The following DNAH1 variants were observed in gnomAD, a reference collection of about 807,000 sequenced individuals.
DNAH1 encodes dynein axonemal heavy chain 1.
A neutral mutation model predicts 484.3 loss-of-function variants in DNAH1; 327 were observed. That is an observed-to-expected ratio of 0.68 (90% CI 0.62 to 0.74). The LOEUF (loss-of-function observed/expected upper bound fraction) is 0.74, where lower values mean the gene tolerates loss of function less well. Among genes scored for constraint, DNAH1 ranks in the 30% least tolerant of loss-of-function variants. The probability of loss-of-function intolerance (pLI) is 0.00; values close to 1 mark genes in which losing one functional copy is unlikely to be tolerated. For missense variants in DNAH1, 5,052 were observed against 5,546.8 expected (o/e 0.91, Z 2.83); for synonymous variants, 2,192 against 2,191.9 (o/e 1.00, Z 0.00).
chr3:52,326,037 TC>T (rs1341094691), intron 3 of DNAH1, 102 bp from the exon 4 acceptor site: 2 of 1,230,474 alleles, frequency 1.6e-6, no homozygotes, highest in African/African-American at 3.1e-5. Context: ...CTTCCCACAC[TC>T]CAAAGCATAC....
At position 52,353,724 on chromosome 3, in the gene DNAH1, A is replaced by G; in HGVS notation, c.3480+91A>G. On this transcript the variant is annotated intron_variant, in intron 20 of 77. Transcript: ENST00000420323. This position sits in a 1 kb window ranked among gnomAD's most constrained non-coding sequence, Gnocchi z 5.0. Reference sequence around the variant, plus strand: ...CTGGCAACCACAGCCACTTGGGAGGATGACAGTAATAAGCCCCATCCCTGG... The same window carrying G: ...CTGGCAACCACAGCCACTTGGGAGGGTGACAGTAATAAGCCCCATCCCTGG... 1 of 1,519,206 alleles carries G rather than the reference A, an allele frequency of 6.6e-7. No individual in the cohort carries two copies. The highest frequency in any genetic ancestry group is 1.2e-5 in the South Asian group (1 of 81,980). 94.1% of individuals were successfully genotyped at this position (1,519,206 alleles called of 1,614,324 possible). A position where few individuals can be genotyped will look rare whatever the true frequency, so the allele number is the denominator to read the frequency against.
chr3:52,394,128 C>G (rs988243306), intron 66 of DNAH1, among the ~76,000 whole-genome samples: 2 of 152,258 alleles, frequency 1.3e-5, no homozygotes, highest in Non-Finnish European at 2.9e-5. Flanking sequence ...CAGCGGAAAG[C>G]CCTGCCGAGA....
rs1559544272 is a variant in DNAH1 at position 52,372,879 on chromosome 3, A to C, written c.6828-17A>C. 42 of 1,604,788 alleles carry C rather than the reference A, an allele frequency of 2.6e-5. No homozygotes were observed. The highest frequency in any genetic ancestry group is 3.2e-5 in the Non-Finnish European group (37 of 1,173,826). ...TGGTGCCTGTGGGTGCTGGGCTCAC[A>C]CAGCCCCTCCCCTCAGGCGGAAGGG... On this transcript the variant is annotated splice_polypyrimidine_tract_variant and intron_variant, in intron 43 of 77. Coordinates refer to ENST00000420323, the MANE Select transcript of DNAH1 (RefSeq NM_015512.5).
intron 1 of DNAH1, among the ~76,000 whole-genome samples, chr3:52,317,547 A>G (rs916777831): frequency 1.3e-5 from 2 of 152,228 alleles, no homozygotes; most frequent in African/African-American, 2.4e-5. Flanking sequence ...TTACATATGT[A>G]TATGTATTTA....
At chr3:52,317,410 G>C (rs182952465) in intron 1 of DNAH1, among the ~76,000 whole-genome samples, 2 of 152,272 alleles carry the variant, frequency 1.3e-5, no homozygotes, top group African/African-American at 4.8e-5. Flanking sequence ...GTGTGGCTTT[G>C]TGAGCCAAGC....
rs758080415 is a variant in DNAH1 at position 52,332,211 on chromosome 3, C to T, written c.1103C>T (p.Pro368Leu). The T allele has an allele frequency of 6.2e-7, 1 of 1,611,432 alleles. No homozygotes were observed. The highest frequency in any genetic ancestry group is 1.3e-5 in the African/African-American group (1 of 75,014). Reference sequence around the variant, plus strand: ...CAGCTTCTCTTCTGCGCTGAGGACCCTTGCATGTTCGCACAACGTGTGGTC... The same window carrying T: ...CAGCTTCTCTTCTGCGCTGAGGACCTTTGCATGTTCGCACAACGTGTGGTC... ...RIQLLFCAED[P>L]CMFAQRVVQA... The change falls in exon 8 of 78, where the codon CCT becomes CTT. Residue 368 changes from proline to leucine, a missense_variant. By Grantham distance (98) the Pro-to-Leu change is moderately conservative (BLOSUM62 -3). Transcript: ENST00000420323.
chr3:52,354,967 T>A lies in DNAH1; in HGVS notation c.3605T>A (p.Val1202Asp). ...EASQLLDDHIVMTQNMSFSPY... is the reference protein window; with the variant it reads ...EASQLLDDHIDMTQNMSFSPY... ...TCACAGCTGCTGGACGACCACATCGTCATGACCCAGAATATGTCATTTTCA... is the reference window on the plus strand; with the variant it reads ...TCACAGCTGCTGGACGACCACATCGACATGACCCAGAATATGTCATTTTCA... The change falls in exon 21 of 78, where the codon GTC (valine) becomes GAC (aspartate). Residue 1202 changes from valine to aspartate, a missense_variant. Val to Asp is a radical substitution (Grantham distance 152, BLOSUM62 -3). This residue lies in a region of DNAH1 where 2,929 missense variants were observed against 3,409.4 expected (regional missense o/e 0.86). Coordinates refer to ENST00000420323, the MANE Select transcript of DNAH1 (RefSeq NM_015512.5). The A allele has an allele frequency of 6.2e-7, 1 of 1,614,006 alleles. No homozygotes were observed. The highest frequency in any genetic ancestry group is 8.5e-7 in the Non-Finnish European group (1 of 1,179,894).
chr3:52,395,772 C>T lies in DNAH1; in HGVS notation c.11259+94C>T. ...AAATAAGAGAATCATGCCAAGCACT[C>T]TGCCCAGCCTCTAGCACGTGGCAAG... On this transcript the variant is annotated intron_variant, in intron 70 of 77. Transcript: ENST00000420323. The surrounding 1 kb of genome is among the most constrained non-coding windows in gnomAD (Gnocchi z 4.4). 6.6e-7 allele frequency: 1 copy of T among 1,509,760 alleles called. No individual in the cohort carries two copies. The highest frequency in any genetic ancestry group is 8.9e-7 in the Non-Finnish European group (1 of 1,117,660). The allele number at this position is 1,509,760 out of a possible 1,614,324, so 93.5% of individuals were successfully genotyped here.
At position 52,383,576 on chromosome 3, in the gene DNAH1, ACATGGTGCTGTG is replaced by A; in HGVS notation, c.8137_8148del (p.Val2713_Met2716del). 6.3e-7 allele frequency: 1 copy of A among 1,595,566 alleles called. No individual in the cohort carries two copies. The highest frequency in any genetic ancestry group is 8.5e-7 in the Non-Finnish European group (1 of 1,170,686). On this transcript the variant is annotated inframe_deletion, in exon 51 of 78. Coordinates refer to ENST00000420323, the MANE Select transcript of DNAH1 (RefSeq NM_015512.5). ...ACAGGGCGTGTGCGCAGCAACATCCACATGGTGCTGTGCATGAGGTACAGGCAGCTGTCGCCA... is the reference window on the plus strand; with the variant it reads ...ACAGGGCGTGTGCGCAGCAACATCCACATGAGGTACAGGCAGCTGTCGCCA...
chr3:52,375,398 C>T lies in DNAH1; in HGVS notation c.7144C>T (p.Leu2382=), dbSNP rs373250758. 200 of 1,613,194 alleles carry T rather than the reference C, an allele frequency of 1.2e-4. No individual in the cohort carries two copies. Among genetic ancestry groups the T allele is most frequent in the Middle Eastern group, 1.6e-4 (1 of 6,084 alleles). Residue 2382 remains leucine, a synonymous_variant, in exon 45 of 78, where the codon CTG becomes TTG. Transcript: ENST00000420323. The part of the protein sequence containing the change: ...VSKKRIFSTI[L]GNWLDGLLGE... ...CAAGAAACGCATCTTCTCCACCATC[C>T]TGGGCAACTGGTTGGGTGAGTATTG... is the stretch of plus-strand genomic sequence containing the variant.
Position 52,360,149 on chromosome 3 carries a change from CAGTT to C in DNAH1, c.4571+73_4571+76del, listed in dbSNP as rs1376233371. 1.9e-6 allele frequency: 3 copies of C among 1,601,200 alleles called. No homozygotes were observed. In the Admixed American group the frequency reaches 5.0e-5, roughly 27 times the overall value. On this transcript the variant is annotated intron_variant, in intron 27 of 77. Transcript: ENST00000420323. ...AAGGGGCAGGGGAAAAGAGAAAAGT[CAGTT>C]AGCAATAAGCTGGTCTCTGTCCTTG...
chr3:52,315,462 A>G (rs932701489), upstream of DNAH1, among the ~76,000 whole-genome samples: 1 of 152,048 alleles, frequency 6.6e-6, no homozygotes, highest in African/African-American at 2.4e-5. Context: ...ACTTGCCATG[A>G]CCTCAGACTC....
Position 52,398,181 on chromosome 3 carries a change from C to T in DNAH1, c.12089+19C>T. 2.5e-6 allele frequency: 4 copies of T among 1,594,320 alleles called. No homozygotes were observed. Among genetic ancestry groups the T allele is most frequent in the Non-Finnish European group, 2.6e-6 (3 of 1,169,750 alleles). On this transcript the variant is annotated intron_variant, in intron 75 of 77. Coordinates refer to ENST00000420323, the MANE Select transcript of DNAH1 (RefSeq NM_015512.5). ...TCATTAGGTAATCACCCCGCCATAC[C>T]CCTGCCCCGAGTCAGCGGCCACTGG...
intron 1 of DNAH1, among the ~76,000 whole-genome samples, chr3:52,317,368 C>T (rs1157264930): frequency 3.9e-5 from 6 of 152,118 alleles, no homozygotes; most frequent in Admixed American, 1.3e-4. Context: ...GCGGAAGCGG[C>T]GGCCTGAGTG....
intron 1 of DNAH1, among the ~76,000 whole-genome samples, chr3:52,317,186 G>A (rs1700977903): frequency 6.6e-6 from 1 of 152,196 alleles, no homozygotes; most frequent in East Asian, 1.9e-4. Context: ...ACTAAGGACA[G>A]TCTGATACAA....
In DNAH1 at chr3:52,372,376, G is replaced by A. The variant is rs776153294; in HGVS notation, c.6816G>A (p.Lys2272=). The A allele has an allele frequency of 1.2e-6, 2 of 1,613,790 alleles. No individual in the cohort carries two copies. Among genetic ancestry groups the A allele is most frequent in the South Asian group, 1.1e-5 (1 of 91,086 alleles). The change falls in exon 43 of 78, where the codon AAG becomes AAA. Residue 2272 remains lysine (K), a synonymous_variant. Coordinates refer to ENST00000420323, the MANE Select transcript of DNAH1 (RefSeq NM_015512.5). ...ANQTQDFIDS[K]LDKRRKGVFG... is the part of the protein sequence containing the mutation. ...AGACCCAGGACTTCATTGACAGCAA[G>A]CTGGACAAGAGGCAGGGCACCCCTC... is the stretch of plus-strand genomic sequence containing the variant.
rs1276634973 is a variant in DNAH1, at chr3:52,351,951, A to G, written c.2730-11A>G. 1 of 1,597,838 alleles carries G rather than the reference A, an allele frequency of 6.3e-7. No individual in the cohort carries two copies. Among genetic ancestry groups the G allele is most frequent in the African/African-American group, 1.3e-5 (1 of 74,484 alleles). On this transcript the variant is annotated splice_polypyrimidine_tract_variant and intron_variant, in intron 16 of 77. Coordinates refer to ENST00000420323, the MANE Select transcript of DNAH1 (RefSeq NM_015512.5). ...GATATTTCTCCCAATCCCCACCCCC[A>G]TCCCGGCCAGATGGATTGCCAGCAA...
chr3:52,368,881 T>C lies in DNAH1; in HGVS notation c.5906T>C (p.Leu1969Pro). ...MNTVLDDNKK[L>P]CLSSGEIIKL... ...ACGGTGCTGGATGACAACAAGAAGC[T>C]GTGCCTCAGCTCTGGGGAGATCATC... is the stretch of plus-strand genomic sequence containing the variant. The change falls in exon 37 of 78, where the codon CTG (leucine) becomes CCG (proline). Residue 1969 changes from leucine (L) to proline (P), a missense_variant. Transcript: ENST00000420323. The surrounding 1 kb of genome is among the most constrained non-coding windows in gnomAD (Gnocchi z 4.4). The C allele has an allele frequency of 6.2e-7, 1 of 1,614,018 alleles. No individual in the cohort carries two copies. The highest frequency in any genetic ancestry group is 8.5e-7 in the Non-Finnish European group (1 of 1,179,888).
At chr3:52,336,592 C>A (rs1171428951) in intron 8 of DNAH1, among the ~76,000 whole-genome samples, 1 of 152,124 alleles carries the variant, frequency 6.6e-6, no homozygotes, top group Non-Finnish European at 1.5e-5. Context: ...TGTAATCCAT[C>A]CTGAGTTAAT....
Sources: gnomAD v4.1 joint callset for allele counts (sites outside exome capture counted in the v4.1 genomes callset) on GRCh38, gnomAD v4.1.1 for gene constraint, gnomAD v4.1.1 regional missense constraint, Gnocchi (gnomAD v3.1) non-coding constraint, MANE v1.5 for transcripts, NCBI Gene and HGNC (gene_info 2026-07-23, HGNC 2026-07-21) for gene names.